The following PPP2R2B variants were observed in gnomAD, a reference collection of about 807,000 sequenced individuals.
PPP2R2B encodes protein phosphatase 2 regulatory subunit Bbeta.
In PPP2R2B, 5 loss-of-function variants were observed where a neutral mutation model predicts 46.0. The observed-to-expected ratio is 0.11, with a 90% confidence interval of 0.06 to 0.23. The LOEUF (loss-of-function observed/expected upper bound fraction) is 0.23. Ranked by LOEUF, PPP2R2B falls within the 10% of genes least tolerant of loss-of-function variation. PPP2R2B has a pLI of 1.00. For synonymous variants in PPP2R2B, 215 were observed against 206.7 expected (o/e 1.04, Z -0.34); for missense variants, 367 against 575.0 (o/e 0.64, Z 3.70).
intron 1 of PPP2R2B, among the ~76,000 whole-genome samples, chr5:146,977,875 C>T (rs1752992727): frequency 6.6e-6 from 1 of 152,118 alleles, no homozygotes; most frequent in African/African-American, 2.4e-5. Flanking sequence ...ATTTATAATC[C>T]TTTGGGTATA....
At chr5:146,792,739 A>G (rs1039089955) in intron 2 of PPP2R2B, among the ~76,000 whole-genome samples, 1 of 152,218 alleles carries the variant, frequency 6.6e-6, no homozygotes, top group African/African-American at 2.4e-5. Context: ...GAAACTGCCA[A>G]TGTTAAGGCC....
chr5:146,753,852 T>C (rs1753693964), intron 2 of PPP2R2B, among the ~76,000 whole-genome samples: 1 of 152,084 alleles, frequency 6.6e-6, no homozygotes, highest in African/African-American at 2.4e-5. Context: ...TTAACACTAA[T>C]CAACCTGAAT....
At position 146,686,115 on chromosome 5, in the gene PPP2R2B, C is replaced by T. The variant is rs1433006757; in HGVS notation, c.447+5013G>A. On this transcript the variant is annotated intron_variant, in intron 5 of 9. Coordinates refer to ENST00000394411, the MANE Select transcript of PPP2R2B (RefSeq NM_181675.4). The stretch of plus-strand genomic sequence containing the variant: ...ATGAGATTTTGGGCAAACTTCTTGG[C>T]TACTCTAAAACACGGTTTCCATTTC... Among the ~76,000 whole-genome samples the T allele has an allele frequency of 3.9e-5, 6 of 152,178 alleles. No individual in the cohort carries two copies. In the East Asian group the frequency reaches 9.6e-4, roughly 24 times the overall value.
chr5:146,705,833 A>C (rs1224631532), intron 2 of PPP2R2B, among the ~76,000 whole-genome samples: 1 of 152,174 alleles, frequency 6.6e-6, no homozygotes, highest in Non-Finnish European at 1.5e-5. Flanking sequence ...AAAGATGTTA[A>C]TATGTCATAA....
intron 7 of PPP2R2B, 71 bp from the exon 8 acceptor site, chr5:146,600,531 C>G (rs1269431824): frequency 2.0e-6 from 3 of 1,486,200 alleles, no homozygotes; most frequent in East Asian, 4.7e-5. Flanking sequence ...TTTGGACTGG[C>G]TAGGAAGCTG....
At chr5:146,907,139 G>A (rs968035536) in intron 1 of PPP2R2B, among the ~76,000 whole-genome samples, 3 of 152,136 alleles carry the variant, frequency 2.0e-5, no homozygotes, top group Admixed American at 6.5e-5. Context: ...GTGTAAAATG[G>A]AATGTTTAGA....
chr5:146,827,566 A>C (rs1758659186), intron 2 of PPP2R2B, among the ~76,000 whole-genome samples: 1 of 152,194 alleles, frequency 6.6e-6, no homozygotes, highest in Admixed American at 6.6e-5. Context: ...TTTTTCAGGA[A>C]TGTTTATTGT....
chr5:146,831,543 C>T (rs1758942005), intron 2 of PPP2R2B, among the ~76,000 whole-genome samples: 1 of 138,160 alleles, frequency 7.2e-6, no homozygotes, highest in South Asian at 2.3e-4. Context: ...TTGATAGGTA[C>T]AGCAAACCAC....
At chr5:146,988,856 A>G (rs115956433) in intron 1 of PPP2R2B, among the ~76,000 whole-genome samples, 1,987 of 152,036 alleles carry the variant, frequency 0.013, 46 homozygotes, top group African/African-American at 0.045. Flanking sequence ...AAAACGAATA[A>G]TCCTTTAGTT....
chr5:146,877,697 A>G (rs187540058), intron 2 of PPP2R2B, among the ~76,000 whole-genome samples: 1,918 of 151,980 alleles, frequency 0.013, 39 homozygotes, highest in African/African-American at 0.044. Flanking sequence ...CATCTCGGGG[A>G]AGGGGTCATC....
At chr5:146,944,344 G>T (rs369093215) in intron 1 of PPP2R2B, among the ~76,000 whole-genome samples, 3 of 152,112 alleles carry the variant, frequency 2.0e-5, no homozygotes, top group African/African-American at 7.2e-5. Context: ...TCAAGCTTTA[G>T]ATCAGAGAGA....
chr5:146,782,981 A>G (rs1261531593), intron 2 of PPP2R2B, among the ~76,000 whole-genome samples: 2 of 152,196 alleles, frequency 1.3e-5, no homozygotes, highest in Admixed American at 6.5e-5. Flanking sequence ...TTAACCTGCT[A>G]TCACATATAC....
intron 8 of PPP2R2B, among the ~76,000 whole-genome samples, chr5:146,594,319 C>CAT (rs1285513996): frequency 6.6e-6 from 1 of 152,174 alleles, no homozygotes; most frequent in Non-Finnish European, 1.5e-5. Context: ...GGACACTTGA[C>CAT]GTTGTTGGAC....
intron 4 of PPP2R2B, among the ~76,000 whole-genome samples, chr5:146,697,519 T>G (rs1779247603): frequency 6.6e-6 from 1 of 152,222 alleles, no homozygotes; most frequent in South Asian, 2.1e-4. Context: ...TGCCTTGTGC[T>G]CCTATCATAG....
In PPP2R2B at chr5:146,704,480, A is replaced by G. The variant is rs1779716311; in HGVS notation, c.71-3338T>C. Among the ~76,000 whole-genome samples, 3 of 152,364 alleles carry G rather than the reference A, an allele frequency of 2.0e-5. No homozygotes were observed. The South Asian group carries it at 6.2e-4, about 32-fold the overall frequency. On this transcript the variant is annotated intron_variant, in intron 2 of 9. Coordinates refer to ENST00000394411, the MANE Select transcript of PPP2R2B (RefSeq NM_181675.4). ...ACTGCTCAGCCTAATCATGCTGTTG[A>G]TCAAGAAACTACAAACTTGAGCATT... is the stretch of plus-strand genomic sequence containing the variant.
rs1431033394 is a variant in PPP2R2B at position 146,878,108 on chromosome 5, G to A, written c.-37C>T. ...TTACTTGCGTGGGAACCAGAAGCCG[G>A]CAGACAAGTATCCATGATCCCTCCC... On this transcript the variant is annotated 5_prime_UTR_variant, in exon 2 of 10. Coordinates refer to ENST00000394411, the MANE Select transcript of PPP2R2B (RefSeq NM_181675.4). This position sits in a 1 kb window ranked among gnomAD's most constrained non-coding sequence, Gnocchi z 4.5. The A allele has an allele frequency of 6.2e-7, 1 of 1,614,034 alleles. No homozygotes were observed.
intron 2 of PPP2R2B, among the ~76,000 whole-genome samples, chr5:146,804,582 A>G (rs1304978370): frequency 6.6e-6 from 1 of 152,214 alleles, no homozygotes; most frequent in Non-Finnish European, 1.5e-5. Context: ...CGGATGGATT[A>G]CTGACTCTTC....
intron 1 of PPP2R2B, chr5:147,040,808 TAAAAAA>T (rs35011506): frequency 2.0e-5 from 8 of 396,440 alleles, no homozygotes; most frequent in Non-Finnish European, 3.9e-5. Context: ...TGAGTTTCCT[TAAAAAA>T]AAAAAAAAAA....
intron 1 of PPP2R2B, among the ~76,000 whole-genome samples, chr5:146,892,572 A>C (rs925185979): frequency 8.6e-5 from 13 of 152,028 alleles, no homozygotes; most frequent in African/African-American, 3.1e-4. Context: ...TTCAGTCTTT[A>C]CCCCTTCCAA....
Sources: allele counts gnomAD v4.1 joint callset (sites outside exome capture counted in the v4.1 genomes callset), GRCh38; gene constraint gnomAD v4.1.1; non-coding constraint Gnocchi (gnomAD v3.1); transcripts MANE v1.5; gene names NCBI Gene and HGNC (gene_info 2026-07-23, HGNC 2026-07-21).